Variants in CDH13 observed in about 807,000 individuals in gnomAD.
The protein encoded by CDH13 is cadherin-13.
A neutral mutation model predicts 63.8 loss-of-function variants in CDH13; 24 were observed. The ratio of observed to expected loss-of-function variants is 0.38; its 90% confidence interval spans 0.27 to 0.53. CDH13 has a LOEUF of 0.53. CDH13 is among the 20% of genes least tolerant of loss of function. The pLI is 0.85. For synonymous variants in CDH13, 503 were observed against 355.3 expected, an observed-to-expected ratio of 1.42 and a Z score of -4.67; for missense variants, 1,049 against 903.1, an observed-to-expected ratio of 1.16 and a Z score of -2.07.
At chr16:83,073,921 AT>A (rs1421511735) in intron 3 of CDH13, among the ~76,000 whole-genome samples, 1 of 152,122 alleles carries the variant, frequency 6.6e-6, no homozygotes, top group Non-Finnish European at 1.5e-5. Context: ...CATGTACAGA[AT>A]GTGTAATGGT....
At chr16:83,515,862 C>A (rs377574056) in intron 7 of CDH13, among the ~76,000 whole-genome samples, 62 of 151,820 alleles carry the variant, frequency 4.1e-4, no homozygotes, top group African/African-American at 1.4e-3. Context: ...TAAAAGATTG[C>A]CTATATATTT....
chr16:83,037,770 T>C (rs964019515), intron 3 of CDH13, among the ~76,000 whole-genome samples: 6 of 152,260 alleles, frequency 3.9e-5, no homozygotes, highest in South Asian at 2.1e-4. Context: ...TGGGTTCAAA[T>C]TTCTGCTATG....
chr16:83,631,870 C>A (rs939176979), intron 8 of CDH13, among the ~76,000 whole-genome samples: 1 of 152,216 alleles, frequency 6.6e-6, no homozygotes, highest in African/African-American at 2.4e-5. Context: ...CTTGACCAAA[C>A]CACGCATCAA....
At chr16:83,299,331 A>G (rs1174303645) in intron 5 of CDH13, among the ~76,000 whole-genome samples, 5 of 151,800 alleles carry the variant, frequency 3.3e-5, no homozygotes, top group African/African-American at 9.7e-5. Context: ...GAACATTATA[A>G]GGAAATCTAG....
At chr16:83,136,047 A>G (rs1341520749) in intron 4 of CDH13, among the ~76,000 whole-genome samples, 1 of 152,126 alleles carries the variant, frequency 6.6e-6, no homozygotes, top group Non-Finnish European at 1.5e-5. Context: ...GGAGAGGGAT[A>G]AAAGACTGTA....
chr16:83,643,521 A>G (rs1911505521), intron 8 of CDH13, among the ~76,000 whole-genome samples: 1 of 152,176 alleles, frequency 6.6e-6, no homozygotes, highest in Non-Finnish European at 1.5e-5. Flanking sequence ...GGATCAAATG[A>G]TAAAACACAT....
intron 1 of CDH13, among the ~76,000 whole-genome samples, chr16:82,674,917 TC>T (rs143902930): frequency 0.011 from 1,749 of 152,306 alleles, 39 homozygotes; most frequent in African/African-American, 0.041. Flanking sequence ...AAAGTCATAA[TC>T]TATTAATTTG....
intron 1 of CDH13, among the ~76,000 whole-genome samples, chr16:82,822,436 C>G (rs915924204): frequency 2.6e-5 from 4 of 152,118 alleles, no homozygotes; most frequent in Non-Finnish European, 4.4e-5. Context: ...TACAAATTTA[C>G]TTTTTTAAAA....
At chr16:83,310,887 C>G (rs2089985229) in intron 5 of CDH13, among the ~76,000 whole-genome samples, 1 of 152,176 alleles carries the variant, frequency 6.6e-6, no homozygotes, top group South Asian at 2.1e-4. Flanking sequence ...AGTTTGGAGG[C>G]TGAAGGAATT....
chr16:83,073,752 CATGAT>C (rs969681221), intron 3 of CDH13, among the ~76,000 whole-genome samples: 58 of 152,002 alleles, frequency 3.8e-4, no homozygotes, highest in African/African-American at 1.4e-3. Context: ...CTTAGTATAA[CATGAT>C]ATATGTGCTA....
chr16:82,761,362 G>A (rs1435479418), intron 1 of CDH13, among the ~76,000 whole-genome samples: 3 of 152,114 alleles, frequency 2.0e-5, no homozygotes, highest in Non-Finnish European at 4.4e-5. Flanking sequence ...TCCAAATCAT[G>A]TCACAACCAG....
intron 1 of CDH13, among the ~76,000 whole-genome samples, chr16:82,663,884 T>A (rs1912275117): frequency 6.6e-6 from 1 of 152,178 alleles, no homozygotes; most frequent in African/African-American, 2.4e-5. Context: ...CTTCTTGCTC[T>A]TCAGAAAGTC....
intron 6 of CDH13, among the ~76,000 whole-genome samples, chr16:83,373,857 G>A (rs1212834001): frequency 6.6e-6 from 1 of 152,162 alleles, no homozygotes; most frequent in East Asian, 1.9e-4. Context: ...GTCCCATAGA[G>A]AGCCTCGTGG....
At chr16:82,755,755 G>A (rs1399508133) in intron 1 of CDH13, among the ~76,000 whole-genome samples, 1 of 152,226 alleles carries the variant, frequency 6.6e-6, no homozygotes, top group East Asian at 1.9e-4. Context: ...AGAATCCGTT[G>A]TGGCGGGATT....
chr16:82,835,168 C>G (rs1379014209), intron 1 of CDH13, among the ~76,000 whole-genome samples: 1 of 152,070 alleles, frequency 6.6e-6, no homozygotes, highest in Non-Finnish European at 1.5e-5. Context: ...TTTTTTCATA[C>G]CACGTCTTTA....
chr16:83,611,262 A>T (rs556157019), intron 8 of CDH13, among the ~76,000 whole-genome samples: 15 of 152,180 alleles, frequency 9.9e-5, no homozygotes, highest in Non-Finnish European at 1.9e-4. Context: ...GAATGAAGGT[A>T]GAGTCCCAAT....
chr16:83,643,402 A>G (rs535876409), intron 8 of CDH13, among the ~76,000 whole-genome samples: 1 of 150,754 alleles, frequency 6.6e-6, no homozygotes, highest in African/African-American at 2.4e-5. Context: ...CAAACGTGTG[A>G]TCACACTCTC....
chr16:83,373,095 C>G (rs1055831200), intron 6 of CDH13, among the ~76,000 whole-genome samples: 2 of 152,102 alleles, frequency 1.3e-5, no homozygotes, highest in African/African-American at 4.8e-5. Context: ...TTTTCCAAAG[C>G]CAGAGTTTGG....
chr16:82,793,968 C>T (rs972001485), intron 1 of CDH13, among the ~76,000 whole-genome samples: 2 of 151,832 alleles, frequency 1.3e-5, no homozygotes, highest in Non-Finnish European at 2.9e-5. Flanking sequence ...GTGGAAATAG[C>T]CTGGATGCAA....
Sources: gnomAD v4.1 joint callset for allele counts (sites outside exome capture counted in the v4.1 genomes callset) on GRCh38, gnomAD v4.1.1 for gene constraint, MANE v1.5 for transcripts, NCBI Gene and HGNC (gene_info 2026-07-23, HGNC 2026-07-21) for gene names.